Variants in WWOX observed in about 807,000 individuals in gnomAD.
WWOX encodes the protein WW domain-containing oxidoreductase.
WWOX carries 69 observed loss-of-function variants against 46.2 expected under a neutral mutation model. The observed-to-expected ratio is 1.49, with a 90% CI of 1.23 to 1.82. WWOX has a LOEUF of 1.82. Among genes scored for constraint, WWOX ranks in the 40% most tolerant of loss-of-function variants. WWOX has a pLI of 0.00. For synonymous variants in WWOX, 359 were observed against 202.6 expected (o/e 1.77, Z -6.56); for missense variants, 919 against 542.6 (o/e 1.69, Z -6.89).
At chr16:78,300,378 G>A (rs917763165) in intron 5 of WWOX, among the ~76,000 whole-genome samples, 2 of 152,134 alleles carry the variant, frequency 1.3e-5, no homozygotes, top group Non-Finnish European at 1.5e-5. Context: ...GAAAGCTAGC[G>A]TGAAGTGGAG....
intron 8 of WWOX, among the ~76,000 whole-genome samples, chr16:79,067,366 T>G (rs1045329273): frequency 2.0e-5 from 3 of 152,292 alleles, no homozygotes; most frequent in African/African-American, 4.8e-5. Context: ...GCTCTCGCTC[T>G]CTCTCTTTCT....
At chr16:78,785,844 G>C (rs565528129) in intron 8 of WWOX, among the ~76,000 whole-genome samples, 3 of 152,002 alleles carry the variant, frequency 2.0e-5, no homozygotes, top group Non-Finnish European at 2.9e-5. Context: ...ATTTTTTTCT[G>C]CTACTCATAA....
chr16:78,635,239 C>A (rs2046539606), intron 8 of WWOX, among the ~76,000 whole-genome samples: 1 of 152,140 alleles, frequency 6.6e-6, no homozygotes, highest in Admixed American at 6.5e-5. Context: ...ATGCGTGAGA[C>A]CCTTTCAATC....
At chr16:78,595,134 C>T (rs78957817) in intron 8 of WWOX, among the ~76,000 whole-genome samples, 2,152 of 152,312 alleles carry the variant, frequency 0.014, 49 homozygotes, top group African/African-American at 0.049. Context: ...CATTGCAAAC[C>T]TGCAAAAGCA....
At chr16:78,991,923 A>G (rs924676683) in intron 8 of WWOX, among the ~76,000 whole-genome samples, 1 of 152,048 alleles carries the variant, frequency 6.6e-6, no homozygotes, top group African/African-American at 2.4e-5. Context: ...CTAACACAAT[A>G]CCAGCCACAA....
At chr16:78,385,557 A>C (rs573547198) in intron 5 of WWOX, among the ~76,000 whole-genome samples, 1 of 152,228 alleles carries the variant, frequency 6.6e-6, no homozygotes, top group South Asian at 2.1e-4. Flanking sequence ...TTACTGCTCA[A>C]AGCTTAGGAC....
chr16:78,662,537 G>A (rs959969998), intron 8 of WWOX, among the ~76,000 whole-genome samples: 6 of 152,142 alleles, frequency 3.9e-5, no homozygotes, highest in African/African-American at 7.2e-5. Context: ...TGGACCAGTT[G>A]CAAGGATGCA....
At chr16:78,591,512 C>T (rs1228274369) in intron 8 of WWOX, among the ~76,000 whole-genome samples, 2 of 152,194 alleles carry the variant, frequency 1.3e-5, no homozygotes, top group African/African-American at 2.4e-5. Context: ...TTATAGTCCT[C>T]ATTAAGAGAC....
In WWOX at chr16:78,698,673, G is replaced by C. The variant is rs1025451243; in HGVS notation, c.1056+265921G>C. Among the ~76,000 whole-genome samples the C allele has an allele frequency of 2.6e-5, 4 of 152,068 alleles. No individual in the cohort carries two copies. The South Asian group carries it at 8.3e-4, about 31-fold the overall frequency. On this transcript the variant is annotated intron_variant, in intron 8 of 8. Transcript: ENST00000566780. ...GAATGTAATTTTGTTATATCCATAT[G>C]ATAAACCTTAAGTATTCTTAAGCCA...
At chr16:78,734,287 T>A (rs182009311) in intron 8 of WWOX, among the ~76,000 whole-genome samples, 141 of 152,228 alleles carry the variant, frequency 9.3e-4, no homozygotes, top group African/African-American at 3.1e-3. Context: ...AAGGGAGTAT[T>A]TTTCCCCCAC....
chr16:78,757,341 CA>C (rs1201811581), intron 8 of WWOX, among the ~76,000 whole-genome samples: 24 of 152,148 alleles, frequency 1.6e-4, no homozygotes, highest in Admixed American at 7.2e-4. Flanking sequence ...AGCACCCCAG[CA>C]CCCCAGCACC....
intron 8 of WWOX, among the ~76,000 whole-genome samples, chr16:78,811,484 T>C (rs1158097959): frequency 6.6e-6 from 1 of 151,694 alleles, no homozygotes; most frequent in Non-Finnish European, 1.5e-5. Flanking sequence ...GTCCTTTCTC[T>C]CTCCCTCCCT....
intron 8 of WWOX, among the ~76,000 whole-genome samples, chr16:78,610,746 C>T (rs550486923): frequency 2.6e-5 from 4 of 152,104 alleles, no homozygotes; most frequent in Non-Finnish European, 2.9e-5. Context: ...ATCAAACCGT[C>T]GGGGCTAATG....
chr16:79,192,848 C>T lies in WWOX; in HGVS notation c.1057-18760C>T, dbSNP rs77326008. ...CAGCTGTGCATCCTTGGGAAAGTCA[C>T]TTAGCCTCTCTGAGCTCTAATTTCC... is the stretch of plus-strand genomic sequence containing the variant. On this transcript the variant is annotated intron_variant, in intron 8 of 8. Coordinates refer to ENST00000566780, the MANE Select transcript of WWOX (RefSeq NM_016373.4). 3.8e-3 allele frequency among the ~76,000 whole-genome samples: 576 copies of T among 152,306 alleles called. 2 individuals carry two copies. The highest frequency in any genetic ancestry group is 0.013 in the African/African-American group (529 of 41,550).
intron 8 of WWOX, among the ~76,000 whole-genome samples, chr16:78,772,664 C>A (rs1004335069): frequency 3.9e-5 from 6 of 152,160 alleles, no homozygotes; most frequent in South Asian, 4.1e-4. Flanking sequence ...AGGCTTCAAG[C>A]CACTGGGGCA....
At chr16:78,842,482 G>A (rs1044050099) in intron 8 of WWOX, among the ~76,000 whole-genome samples, 1 of 147,826 alleles carries the variant, frequency 6.8e-6, no homozygotes, top group Non-Finnish European at 1.5e-5. Context: ...CAACCTGGGT[G>A]AAAAAGTGAC....
intron 8 of WWOX, among the ~76,000 whole-genome samples, chr16:78,555,827 A>G (rs997330518): frequency 1.1e-4 from 16 of 152,166 alleles, no homozygotes; most frequent in African/African-American, 3.9e-4. Context: ...CCATGCCAAT[A>G]AGAAAAATGA....
At chr16:78,761,701 A>G (rs2049798663) in intron 8 of WWOX, among the ~76,000 whole-genome samples, 1 of 152,018 alleles carries the variant, frequency 6.6e-6, no homozygotes, top group East Asian at 1.9e-4. Context: ...TTGGCTTTGA[A>G]GCTCTCCTTT....
chr16:78,425,191 A>G (rs1293709356), intron 7 of WWOX, 136 bp downstream of exon 7: 2 of 1,187,220 alleles, frequency 1.7e-6, no homozygotes, highest in African/African-American at 1.5e-5. Context: ...GGCTCACTTA[A>G]TTTTTCCAGG....
Sources: allele counts gnomAD v4.1 joint callset (sites outside exome capture counted in the v4.1 genomes callset), GRCh38; gene constraint gnomAD v4.1.1; transcripts MANE v1.5; gene names NCBI Gene and HGNC (gene_info 2026-07-23, HGNC 2026-07-21).